Variants in RBFOX3 observed in about 807,000 individuals in gnomAD.
The protein encoded by RBFOX3 is RNA binding fox-1 homolog 3.
Under a neutral mutation model 48.7 loss-of-function variants are expected in RBFOX3, and 17 were observed. The ratio of observed to expected loss-of-function variants is 0.35; its 90% confidence interval spans 0.24 to 0.52. RBFOX3 has a LOEUF of 0.52. Among genes scored for constraint, RBFOX3 ranks in the 20% least tolerant of loss-of-function variants. RBFOX3 has a pLI of 0.94. For synonymous variants in RBFOX3, 212 were observed against 209.5 expected (o/e 1.01, Z -0.10); for missense variants, 382 against 497.5 (o/e 0.77, Z 2.21).
chr17:79,524,337 A>G (rs2086518244), intron 1 of RBFOX3, among the ~76,000 whole-genome samples: 1 of 152,172 alleles, frequency 6.6e-6, no homozygotes, highest in Admixed American at 6.5e-5. Context: ...GCAGGCAAAC[A>G]GCTTCACAGG....
intron 1 of RBFOX3, among the ~76,000 whole-genome samples, chr17:79,570,115 A>G (rs963242637): frequency 1.4e-5 from 2 of 147,474 alleles, no homozygotes; most frequent in Non-Finnish European, 3.0e-5. Flanking sequence ...GGATAGGTAG[A>G]TTATGGATGG....
At chr17:79,602,983 C>G (rs890138565) in intron 1 of RBFOX3, among the ~76,000 whole-genome samples, 3 of 134,178 alleles carry the variant, frequency 2.2e-5, no homozygotes, top group Non-Finnish European at 4.6e-5. Flanking sequence ...TCTCCTTGAG[C>G]TACCCTTTTT....
chr17:79,511,433 G>A (rs1755792168), intron 1 of RBFOX3, among the ~76,000 whole-genome samples: 1 of 151,706 alleles, frequency 6.6e-6, no homozygotes, highest in African/African-American at 2.4e-5. Flanking sequence ...GTCTTGCAGA[G>A]GAGGAGTCGT....
intron 3 of RBFOX3, among the ~76,000 whole-genome samples, chr17:79,259,804 C>T (rs1448739129): frequency 6.6e-6 from 1 of 152,192 alleles, no homozygotes; most frequent in African/African-American, 2.4e-5. Context: ...AGGGGCTCTG[C>T]AGCAGGCGCC....
rs1404765877 is a variant in RBFOX3 at position 79,093,830 on chromosome 17, G to C, written c.1077+621C>G. ...ACACACACACACACACACACACAGAGACACGCCACGCCGCGCACCTCCCCG... is the reference window on the plus strand; with the variant it reads ...ACACACACACACACACACACACAGACACACGCCACGCCGCGCACCTCCCCG... On this transcript the variant is annotated intron_variant, in intron 14 of 14. Coordinates refer to ENST00000693108, the MANE Select transcript of RBFOX3 (RefSeq NM_001350451.2). Among the ~76,000 whole-genome samples the C allele has an allele frequency of 5.4e-5, 7 of 130,348 alleles. No homozygotes were observed. The South Asian group carries it at 7.3e-4, about 14-fold the overall frequency. 85.5% of individuals were successfully genotyped at this position (130,348 alleles called of 152,430 possible).
At chr17:79,388,002 G>C (rs11658692) in intron 2 of RBFOX3, among the ~76,000 whole-genome samples, 1 of 57,018 alleles carries the variant, frequency 1.8e-5, no homozygotes, top group Non-Finnish European at 3.5e-5. Flanking sequence ...GAATGTGTAC[G>C]TGTGTGTGTG....
At position 79,095,415 on chromosome 17, in the gene RBFOX3, T is replaced by G. The variant is rs2075020553; in HGVS notation, c.998+98A>C. On this transcript the variant is annotated intron_variant, in intron 13 of 14. Coordinates refer to ENST00000693108, the MANE Select transcript of RBFOX3 (RefSeq NM_001350451.2). Reference sequence around the variant, plus strand: ...CCTACTCCCGCCAGGCCTGGAAGAGTGGGTTACGCCTCCTGCCTGTCTGGG... The same window carrying G: ...CCTACTCCCGCCAGGCCTGGAAGAGGGGGTTACGCCTCCTGCCTGTCTGGG... 10 of 1,079,356 alleles carry G rather than the reference T, an allele frequency of 9.3e-6. No individual in the cohort carries two copies. In the East Asian group the frequency reaches 2.4e-4, roughly 26 times the overall value. The allele number at this position is 1,079,356 out of a possible 1,614,324, so 66.9% of individuals were successfully genotyped here. A position where few individuals can be genotyped will look rare whatever the true frequency, so the allele number is the denominator to read the frequency against.
intron 4 of RBFOX3, among the ~76,000 whole-genome samples, chr17:79,130,278 G>A (rs1378230486): frequency 6.6e-6 from 1 of 152,132 alleles, no homozygotes; most frequent in Non-Finnish European, 1.5e-5. Context: ...AGACTTCCTG[G>A]AAGGCCCAGG....
the RBFOX3 span, among the ~76,000 whole-genome samples, chr17:79,628,156 G>A: frequency 6.6e-6 from 1 of 151,914 alleles, no homozygotes. Context: ...AAACAAACAG[G>A]TGTGCTGATC....
At chr17:79,303,222 T>C (rs2075592066) in intron 3 of RBFOX3, among the ~76,000 whole-genome samples, 1 of 152,218 alleles carries the variant, frequency 6.6e-6, no homozygotes, top group Non-Finnish European at 1.5e-5. Context: ...AGTCCATTTA[T>C]GCTATGATTT....
At chr17:79,323,210 T>G (rs902819793) in intron 2 of RBFOX3, among the ~76,000 whole-genome samples, 2 of 152,240 alleles carry the variant, frequency 1.3e-5, no homozygotes, top group African/African-American at 2.4e-5. Flanking sequence ...GACACAGCAC[T>G]GGCATGCAAC....
intron 2 of RBFOX3, among the ~76,000 whole-genome samples, chr17:79,414,210 A>T (rs151269249): frequency 2.4e-4 from 37 of 152,230 alleles, no homozygotes; most frequent in African/African-American, 8.7e-4. Flanking sequence ...ATTTTCTAAT[A>T]CAATGCAAAT....
intron 2 of RBFOX3, among the ~76,000 whole-genome samples, chr17:79,342,988 G>C (rs1162408461): frequency 6.6e-6 from 1 of 152,130 alleles, no homozygotes; most frequent in Non-Finnish European, 1.5e-5. Flanking sequence ...GCGAGAGAGA[G>C]AGAGAGAGAG....
intron 1 of RBFOX3, among the ~76,000 whole-genome samples, chr17:79,608,098 G>C (rs2093877399): frequency 6.6e-6 from 1 of 152,222 alleles, no homozygotes; most frequent in Non-Finnish European, 1.5e-5. Flanking sequence ...TGTCAGAGGA[G>C]GGAGGGCGAG....
chr17:79,374,091 G>T (rs1481230213), intron 2 of RBFOX3, among the ~76,000 whole-genome samples: 48 of 152,318 alleles, frequency 3.2e-4, no homozygotes, highest in Non-Finnish European at 7.3e-5. Flanking sequence ...TCGCACTCCT[G>T]ACCTCAGGTG....
the RBFOX3 span, among the ~76,000 whole-genome samples, chr17:79,663,755 A>T: frequency 6.7e-6 from 1 of 148,920 alleles, no homozygotes; most frequent in Admixed American, 6.7e-5. Context: ...TTGCATTGGA[A>T]GTTATCCTAC....
chr17:79,373,953 G>C (rs1176347937), intron 2 of RBFOX3, among the ~76,000 whole-genome samples: 1 of 152,140 alleles, frequency 6.6e-6, no homozygotes, highest in Admixed American at 6.5e-5. Context: ...CCGTCTCCAG[G>C]GTTCAAGCGA....
chr17:79,171,111 G>A (rs2049189960), intron 4 of RBFOX3, among the ~76,000 whole-genome samples: 3 of 152,216 alleles, frequency 2.0e-5, no homozygotes, highest in African/African-American at 7.2e-5. Context: ...AATTGAGGTG[G>A]GTTGTGAGTG....
intron 3 of RBFOX3, among the ~76,000 whole-genome samples, chr17:79,248,272 C>A (rs886684583): frequency 1.3e-5 from 2 of 151,602 alleles, no homozygotes; most frequent in Non-Finnish European, 2.9e-5. Flanking sequence ...CTTGCTCTGT[C>A]CCCTGGGCTG....
Sources: gnomAD v4.1 joint callset for allele counts (sites outside exome capture counted in the v4.1 genomes callset) on GRCh38, gnomAD v4.1.1 for gene constraint, MANE v1.5 for transcripts, NCBI Gene and HGNC (gene_info 2026-07-23, HGNC 2026-07-21) for gene names.